The following HIRA variants were observed in gnomAD, a reference collection of about 807,000 sequenced individuals.
The protein encoded by HIRA is histone cell cycle regulator.
HIRA carries 13 observed loss-of-function variants against 126.6 expected under a neutral mutation model. The ratio of observed to expected loss-of-function variants is 0.10; its 90% CI spans 0.07 to 0.16. The LOEUF (loss-of-function observed/expected upper bound fraction) is 0.16. HIRA is among the 10% of genes least tolerant of loss of function. HIRA has a pLI of 1.00. For missense variants in HIRA, 834 were observed against 1,314.4 expected (o/e 0.63, Z 5.65); for synonymous variants, 511 against 520.0 (o/e 0.98, Z 0.24).
intron 13 of HIRA, among the ~76,000 whole-genome samples, chr22:19,378,658 G>C (rs1260639880): frequency 6.6e-6 from 1 of 152,236 alleles, no homozygotes; most frequent in East Asian, 1.9e-4. Context: ...AAAATACAAA[G>C]TGCCAGGACT....
At chr22:19,413,062 G>A (rs5748191) in intron 1 of HIRA, among the ~76,000 whole-genome samples, 23,080 of 152,124 alleles carry the variant, frequency 0.15, 3,829 homozygotes, top group African/African-American at 0.41. Flanking sequence ...GGGGACGCAC[G>A]GCATGGAATC....
intron 12 of HIRA, 59 bp from the exon 13 acceptor site, chr22:19,383,764 T>C: frequency 7.6e-7 from 1 of 1,323,088 alleles, no homozygotes; most frequent in Non-Finnish European, 1.1e-6. Flanking sequence ...TTTCCAAATA[T>C]TAAAAAATAA....
intron 24 of HIRA, among the ~76,000 whole-genome samples, chr22:19,336,661 A>C (rs1601796120): frequency 6.6e-6 from 1 of 152,356 alleles, no homozygotes; most frequent in Non-Finnish European, 1.5e-5. Flanking sequence ...CCACCACCAC[A>C]GCAGGTGCTG....
chr22:19,431,356 G>A, intron 1 of HIRA, 84 bp downstream of exon 1: 1 of 1,461,426 alleles, frequency 6.8e-7, no homozygotes, highest in Non-Finnish European at 9.5e-7. Flanking sequence ...GGCGAGACAG[G>A]CAGGACTTGC....
intron 1 of HIRA, among the ~76,000 whole-genome samples, chr22:19,418,752 A>G (rs1258909228): frequency 6.6e-6 from 1 of 152,242 alleles, no homozygotes; most frequent in African/African-American, 2.4e-5. Flanking sequence ...ACACGCACAA[A>G]TAAGTACAAA....
chr22:19,383,527 C>A, intron 13 of HIRA, 93 bp downstream of exon 13: 2 of 1,009,852 alleles, frequency 2.0e-6, no homozygotes, highest in Non-Finnish European at 3.1e-6. Context: ...TTGTGAAGGA[C>A]CCGTGAAGAT....
In HIRA at chr22:19,414,275, A is replaced by G. The variant is rs535832003; in HGVS notation, c.38-3497T>C. ...CCACCTGGCAGGGAATAAAGAATAC[A>G]TTAAGGAAGCTGGGATTATGACAGG... is the stretch of plus-strand genomic sequence containing the variant. On this transcript the variant is annotated intron_variant, in intron 1 of 24. Transcript: ENST00000263208. Among the ~76,000 whole-genome samples the G allele has an allele frequency of 7.9e-5, 12 of 152,328 alleles. 1 individual carries two copies. The South Asian group carries it at 2.5e-3, about 32-fold the overall frequency.
At chr22:19,415,733 G>C (rs923275889) in intron 1 of HIRA, among the ~76,000 whole-genome samples, 7 of 152,122 alleles carry the variant, frequency 4.6e-5, no homozygotes, top group African/African-American at 1.7e-4. Context: ...AGGTTGCAGT[G>C]AGCCAATTTT....
At chr22:19,411,190 C>G (rs542967929) in intron 1 of HIRA, among the ~76,000 whole-genome samples, 13 of 152,380 alleles carry the variant, frequency 8.5e-5, no homozygotes, top group Admixed American at 7.8e-4. Context: ...AACCAAGGAG[C>G]ATTGCTTCGC....
In HIRA at chr22:19,377,998, G is replaced by GA; in HGVS notation, c.1483dup (p.Ser495PhefsTer3). ...TGGCAGTAGCTGTGGACTGCTATGA[G>GA]AAGAGAGCATGGTGCCCGCCAGGGA... On this transcript the variant is annotated frameshift_variant, in exon 14 of 25. Coordinates refer to ENST00000263208, the MANE Select transcript of HIRA (RefSeq NM_003325.4). LOFTEE classifies it high-confidence loss of function. 1 of 1,612,738 alleles carries GA rather than the reference G, an allele frequency of 6.2e-7. No homozygotes were observed. The highest frequency in any genetic ancestry group is 8.5e-7 in the Non-Finnish European group (1 of 1,179,450).
intron 21 of HIRA, among the ~76,000 whole-genome samples, chr22:19,355,380 G>A (rs1319350676): frequency 6.6e-6 from 1 of 152,198 alleles, no homozygotes; most frequent in African/African-American, 2.4e-5. Flanking sequence ...CACTGAGGAA[G>A]TCTGAAGTGC....
At chr22:19,416,543 T>C (rs2089400514) in intron 1 of HIRA, among the ~76,000 whole-genome samples, 1 of 152,146 alleles carries the variant, frequency 6.6e-6, no homozygotes, top group Non-Finnish European at 1.5e-5. Context: ...TTTCACCATG[T>C]TGCCCAGACT....
At chr22:19,405,658 G>T in intron 5 of HIRA, 128 bp downstream of exon 5, 1 of 853,316 alleles carries the variant, frequency 1.2e-6, no homozygotes, top group Non-Finnish European at 1.6e-6. Context: ...GACTGATTGT[G>T]ATGGGGTGGG....
At chr22:19,347,816 G>A (rs1451666129) in intron 24 of HIRA, among the ~76,000 whole-genome samples, 14 of 152,210 alleles carry the variant, frequency 9.2e-5, no homozygotes, top group African/African-American at 3.1e-4. Flanking sequence ...GTGTGTGCCT[G>A]TAATTCCAGC....
chr22:19,381,445 A>T (rs2089072209), intron 13 of HIRA, among the ~76,000 whole-genome samples: 1 of 152,238 alleles, frequency 6.6e-6, no homozygotes. Flanking sequence ...ATAATTTATC[A>T]AGTTAAGGAA....
intron 6 of HIRA, 120 bp downstream of exon 6, chr22:19,397,872 A>C: frequency 3.2e-6 from 2 of 622,290 alleles, no homozygotes; most frequent in Non-Finnish European, 5.7e-6. Context: ...CAAGACACAT[A>C]AATCCTAGGC....
intron 2 of HIRA, among the ~76,000 whole-genome samples, chr22:19,409,246 G>A (rs549766775): frequency 3.4e-4 from 51 of 151,838 alleles, no homozygotes; most frequent in Non-Finnish European, 5.3e-4. Context: ...TGTATTGCTC[G>A]GCTAAAAAAT....
intron 5 of HIRA, among the ~76,000 whole-genome samples, chr22:19,400,419 A>G (rs1293017969): frequency 6.6e-6 from 1 of 152,196 alleles, no homozygotes; most frequent in African/African-American, 2.4e-5. Context: ...TCCTTTCACA[A>G]CACACCAACT....
chr22:19,333,652 G>A (rs552420453), intron 24 of HIRA, among the ~76,000 whole-genome samples: 77 of 152,198 alleles, frequency 5.1e-4, no homozygotes, highest in African/African-American at 1.9e-3. Flanking sequence ...ATTTCCGCCA[G>A]TATTTCTTCA....
Sources: gnomAD v4.1 joint callset for allele counts (sites outside exome capture counted in the v4.1 genomes callset) on GRCh38, gnomAD v4.1.1 for gene constraint, MANE v1.5 for transcripts, NCBI Gene and HGNC (gene_info 2026-07-23, HGNC 2026-07-21) for gene names.